DLG2: variants seen among roughly 807,000 people sequenced by gnomAD.
DLG2 encodes the protein disks large homolog 2.
In DLG2, 45 loss-of-function variants were observed where a neutral mutation model predicts 132.5. The ratio of observed to expected loss-of-function variants is 0.34; its 90% CI spans 0.27 to 0.44. DLG2 has a LOEUF of 0.44. Ranked by LOEUF, DLG2 falls within the 20% of genes least tolerant of loss-of-function variation. The pLI is 1.00. For missense variants in DLG2, 1,045 were observed against 1,196.9 expected, an observed-to-expected ratio of 0.87 and a Z score of 1.87; for synonymous variants, 424 against 419.6, an observed-to-expected ratio of 1.01 and a Z score of -0.13.
At chr11:84,837,206 C>A (rs2079932642) in intron 6 of DLG2, among the ~76,000 whole-genome samples, 2 of 151,944 alleles carry the variant, frequency 1.3e-5, no homozygotes, top group South Asian at 2.1e-4. Flanking sequence ...AAATGGAAGG[C>A]ATAGGAAGAA....
At chr11:83,520,881 T>G (rs775955455) in intron 21 of DLG2, among the ~76,000 whole-genome samples, 1 of 152,214 alleles carries the variant, frequency 6.6e-6, no homozygotes, top group Non-Finnish European at 1.5e-5. Context: ...TAGGAGTAAC[T>G]GGTCTGTCTC....
At chr11:85,518,627 T>C (rs2094215726) in intron 3 of DLG2, among the ~76,000 whole-genome samples, 1 of 152,198 alleles carries the variant, frequency 6.6e-6, no homozygotes, top group Admixed American at 6.5e-5. Flanking sequence ...ACCCATTTTC[T>C]GAGGATAAAT....
At position 85,511,873 on chromosome 11, in the gene DLG2, A is replaced by G. The variant is rs1319638503; in HGVS notation, c.40+86784T>C. Among the ~76,000 whole-genome samples, 3 of 152,068 alleles carry G rather than the reference A, an allele frequency of 2.0e-5. No individual in the cohort carries two copies. In the South Asian group the frequency reaches 6.2e-4, roughly 32 times the overall value. On this transcript the variant is annotated intron_variant, in intron 3 of 27. Transcript: ENST00000376104. ...AGCTAGGACCACAGGCATTAGGACT[A>G]TAGGCACGTGCCACCAAGCCTGGCT...
At chr11:83,926,558 T>C (rs2079010161) in intron 15 of DLG2, among the ~76,000 whole-genome samples, 1 of 152,150 alleles carries the variant, frequency 6.6e-6, no homozygotes, top group Non-Finnish European at 1.5e-5. Context: ...TTGTGGATGA[T>C]CCTTGATAAG....
intron 18 of DLG2, among the ~76,000 whole-genome samples, chr11:83,664,220 A>G (rs915787949): frequency 6.6e-6 from 1 of 152,236 alleles, no homozygotes; most frequent in Non-Finnish European, 1.5e-5. Context: ...GCTGGTCCAC[A>G]TAAGCCAACA....
In DLG2 at chr11:83,869,803, C is replaced by A. The variant is rs544528415; in HGVS notation, c.1565+4617G>T. Among the ~76,000 whole-genome samples, 4 of 152,268 alleles carry A rather than the reference C, an allele frequency of 2.6e-5. No individual in the cohort carries two copies. In the East Asian group the frequency reaches 7.7e-4, roughly 29 times the overall value. On this transcript the variant is annotated intron_variant, in intron 16 of 27. Transcript: ENST00000376104. ...AGTGCTACTTGTAAAGGCTGGCCAA[C>A]CCCTTTCAGGGCAGCTGTTTTACCA... is the stretch of plus-strand genomic sequence containing the variant.
intron 15 of DLG2, among the ~76,000 whole-genome samples, chr11:83,916,631 A>G (rs1052798495): frequency 2.6e-5 from 4 of 152,124 alleles, no homozygotes; most frequent in Non-Finnish European, 4.4e-5. Context: ...TTAGTTTTTA[A>G]TAACAAAACT....
chr11:84,858,858 C>A (rs1209700369), intron 6 of DLG2, among the ~76,000 whole-genome samples: 1 of 151,816 alleles, frequency 6.6e-6, no homozygotes, highest in Non-Finnish European at 1.5e-5. Context: ...AATTAGTTCT[C>A]TTTTTAATAA....
chr11:84,714,543 T>TTCTCTCTCTCTC (rs367838730), intron 6 of DLG2, among the ~76,000 whole-genome samples: 5 of 80,550 alleles, frequency 6.2e-5, no homozygotes, highest in East Asian at 2.8e-4. Flanking sequence ...CTCTTTCTCT[T>TTCTCTCTCTCTC]TCTCTTTCTC....
chr11:85,171,843 C>T (rs530261196), intron 4 of DLG2, among the ~76,000 whole-genome samples: 2 of 152,354 alleles, frequency 1.3e-5, no homozygotes, highest in African/African-American at 4.8e-5. Context: ...AGCTGCCATG[C>T]CAGATCATGG....
At chr11:84,893,337 A>C (rs1016472319) in intron 6 of DLG2, among the ~76,000 whole-genome samples, 1 of 152,168 alleles carries the variant, frequency 6.6e-6, no homozygotes, top group African/African-American at 2.4e-5. Flanking sequence ...TTCATTTTTT[A>C]ATGGTGGACC....
intron 4 of DLG2, among the ~76,000 whole-genome samples, chr11:85,169,145 G>A (rs560951206): frequency 5.3e-5 from 8 of 152,148 alleles, no homozygotes; most frequent in African/African-American, 9.6e-5. Context: ...CAATGGGAAC[G>A]CTATAAAAAT....
rs144032751 is a variant in DLG2 at position 84,381,779 on chromosome 11, T to A, written c.520-130488A>T. 5.5e-3 allele frequency among the ~76,000 whole-genome samples: 836 copies of A among 152,262 alleles called. 7 individuals are homozygous for A. Among genetic ancestry groups the A allele is most frequent in the African/African-American group, 0.018 (768 of 41,562 alleles). ...CAGAAAGAGTCTTTATCAGAAGGAA[T>A]GTGGGAAAGCTTTAGATAAAATAAC... is the stretch of plus-strand genomic sequence containing the variant. On this transcript the variant is annotated intron_variant, in intron 7 of 27. Coordinates refer to ENST00000376104, the MANE Select transcript of DLG2 (RefSeq NM_001142699.3).
chr11:85,171,724 G>A lies in DLG2; in HGVS notation c.187-17073C>T, dbSNP rs539978056. On this transcript the variant is annotated intron_variant, in intron 4 of 27. Transcript: ENST00000376104. Reference sequence around the variant, plus strand: ...CTGCCTGAAACAGACCAAGTTCCTGGGGGGAAGGGCAGCCACCATCTCTGA... The same window carrying A: ...CTGCCTGAAACAGACCAAGTTCCTGAGGGGAAGGGCAGCCACCATCTCTGA... Among the ~76,000 whole-genome samples, 302 of 152,302 alleles carry A rather than the reference G, an allele frequency of 2.0e-3. 2 individuals carry two copies. The highest frequency in any genetic ancestry group is 1.4e-3 in the Non-Finnish European group (95 of 68,014).
intron 7 of DLG2, among the ~76,000 whole-genome samples, chr11:84,392,871 G>C (rs117330623): frequency 6.6e-6 from 1 of 152,040 alleles, no homozygotes; most frequent in Non-Finnish European, 1.5e-5. Context: ...TTCACCCTTC[G>C]GCTGGGCTTC....
At chr11:83,560,011 C>CTTT (rs1421345875) in intron 19 of DLG2, among the ~76,000 whole-genome samples, 1 of 151,506 alleles carries the variant, frequency 6.6e-6, no homozygotes, top group African/African-American at 2.4e-5. Context: ...TATTTCTGGG[C>CTTT]TTTTTATATG....
chr11:85,092,366 G>A (rs1272785288), intron 6 of DLG2, among the ~76,000 whole-genome samples: 1 of 151,874 alleles, frequency 6.6e-6, no homozygotes, highest in Non-Finnish European at 1.5e-5. Context: ...CTAATATCCT[G>A]ATAACCACAA....
Position 85,611,940 on chromosome 11 carries a change from G to C in DLG2, c.-92-13152C>G, listed in dbSNP as rs180867347. On this transcript the variant is annotated intron_variant, in intron 2 of 27. Transcript: ENST00000376104. ...ACCAGCAGAGAGAGAGAGAGAGGAA[G>C]AGACAGAGATATAGAGAGAGAGAAA... Among the ~76,000 whole-genome samples, 909 of 152,108 alleles carry C rather than the reference G, an allele frequency of 6.0e-3. 10 individuals are homozygous for C. The highest frequency in any genetic ancestry group is 0.021 in the African/African-American group (851 of 41,484).
At chr11:85,104,891 AAAAAAAAAAC>A (rs2071464111) in intron 6 of DLG2, among the ~76,000 whole-genome samples, 1 of 150,114 alleles carries the variant, frequency 6.7e-6, no homozygotes, top group Non-Finnish European at 1.5e-5. Flanking sequence ...AAAAAAAAAA[AAAAAAAAAAC>A]AGAGAGAGAA....
Sources: gnomAD v4.1 joint callset for allele counts (sites outside exome capture counted in the v4.1 genomes callset) on GRCh38, gnomAD v4.1.1 for gene constraint, MANE v1.5 for transcripts, NCBI Gene and HGNC (gene_info 2026-07-23, HGNC 2026-07-21) for gene names.